Variants in TTN observed in about 807,000 individuals in gnomAD.
The protein encoded by TTN is connectin.
TTN carries 1,525 observed loss-of-function variants against 3,223.0 expected under a neutral mutation model. The ratio of observed to expected loss-of-function variants is 0.47; its 90% CI spans 0.45 to 0.49. TTN has a LOEUF of 0.49. Among genes scored for constraint, TTN ranks in the 20% least tolerant of loss-of-function variants. TTN has a pLI of 0.00. For synonymous variants in TTN, 14,094 were observed against 15,161.0 expected, an observed-to-expected ratio of 0.93 and a Z score of 5.17; for missense variants, 40,786 against 43,424.0, an observed-to-expected ratio of 0.94 and a Z score of 5.40.
intron 311 of TTN, 157 bp from the exon 312 acceptor site, chr2:178,584,063 T>C: frequency 9.4e-7 from 1 of 1,060,850 alleles, no homozygotes; most frequent in Non-Finnish European, 1.3e-6. Context: ...TTTTGAGTCC[T>C]TGCTGTATGC....
rs397517575 is a variant in TTN, at chr2:178,630,918, G to C, written c.44040C>G (p.Pro14680=). Residue 14680 remains proline (P), a synonymous_variant, in exon 238 of 363, where the codon CCC becomes CCG. Transcript: ENST00000589042. ...TCTCCATCACCTCCACACTGTGCAGGGGTCGCACCAGTTTAATTTCCCGAT... is the reference window on the plus strand; with the variant it reads ...TCTCCATCACCTCCACACTGTGCAGCGGTCGCACCAGTTTAATTTCCCGAT... ...IEDREIKLVR[P]LHSVEVMETE... is the part of the protein sequence containing the mutation. 6.2e-7 allele frequency: 1 copy of C among 1,611,808 alleles called. No individual in the cohort carries two copies. Among genetic ancestry groups the C allele is most frequent in the African/African-American group, 1.3e-5 (1 of 74,762 alleles).
rs753105114 is a variant in TTN at position 178,572,398 on chromosome 2, C to G, written c.73734G>C (p.Trp24578Cys). The G allele has an allele frequency of 2.5e-6, 4 of 1,612,930 alleles. No homozygotes were observed. The highest frequency in any genetic ancestry group is 3.4e-6 in the Non-Finnish European group (4 of 1,179,248). Residue 24578 changes from tryptophan (W) to cysteine (C), a missense_variant, in exon 326 of 363, where the codon TGG becomes TGC. By Grantham distance (215) the Trp-to-Cys change is radical (BLOSUM62 -2). Transcript: ENST00000589042. ...AGCCTTCTTGAAGCTGGTCTACCTTCCAGGAAGTCTTGTGGCAGTTTGTTG... is the reference window on the plus strand; with the variant it reads ...AGCCTTCTTGAAGCTGGTCTACCTTGCAGGAAGTCTTGTGGCAGTTTGTTG... ...TVATNCHKTS[W>C]KVDQLQEGCS...
intron 43 of TTN, chr2:178,760,824 AC>A (rs1405479232): frequency 2.1e-5 from 3 of 145,548 alleles, no homozygotes; most frequent in Non-Finnish European, 3.0e-5. Context: ...ATGAAACACC[AC>A]CCCTATTTAG....
At chr2:178,556,457 A>AAC in intron 330 of TTN, 1 of 194,320 alleles carries the variant, frequency 5.1e-6, no homozygotes, top group South Asian at 8.5e-5. Flanking sequence ...CAAACAAACA[A>AAC]AAAAAAAAAA....
In TTN at chr2:178,702,205, T is replaced by C. The variant is rs776112024; in HGVS notation, c.30474A>G (p.Glu10158=). Residue 10158 remains glutamate, a synonymous_variant, in exon 108 of 363, where the codon GAA becomes GAG. Transcript: ENST00000589042. ...GGTACAGCTCTGCCGTGCTTCTTGC[T>C]TCACCTCTTGGCTCCAGCCGAGCGA... ...SVIARLEPRG[E]ARSTAELYLT... The C allele has an allele frequency of 6.2e-7, 1 of 1,614,020 alleles. No individual in the cohort carries two copies.
At chr2:178,747,765 T>C in intron 47 of TTN, 2 of 1,611,836 alleles carry the variant, frequency 1.2e-6, no homozygotes, top group Non-Finnish European at 1.7e-6. Flanking sequence ...CTAGTTTCTA[T>C]CATTTCTCCT....
rs72648953 is a variant in TTN at position 178,728,776 on chromosome 2, G to T, written c.19150C>A (p.Pro6384Thr). Residue 6384 changes from proline (P) to threonine (T), a missense_variant and splice_region_variant, in exon 66 of 363, where the codon CCA becomes ACA. By Grantham distance (38) the Pro-to-Thr change is conservative. Transcript: ENST00000589042. ...TTAGCTTTCTCTACGATTTGAGCTG[G>T]TTCTGTAGTAAAAATGAAAATGTGG... ...RCYAFLLVQEPAQIVEKAKSV... is the reference protein window; with the variant it reads ...RCYAFLLVQETAQIVEKAKSV... 2.9e-3 allele frequency: 4,628 copies of T among 1,594,088 alleles called. 13 individuals carry two copies. The highest frequency in any genetic ancestry group is 4.0e-3 in the East Asian group (179 of 44,404).
rs2050170948 is a variant in TTN at position 178,591,424 on chromosome 2, T to C, written c.60301A>G (p.Ile20101Val). ...GTAGGAACAGGCACACCTCTTATAATAGCAGGGAATCTGACTGTGGTTCCA... is the reference window on the plus strand; with the variant it reads ...GTAGGAACAGGCACACCTCTTATAACAGCAGGGAATCTGACTGTGGTTCCA... Reference protein sequence around the residue: ...KAGTTVRFPAIIRGVPVPTAK... With the variant: ...KAGTTVRFPAVIRGVPVPTAK... The change falls in exon 304 of 363, where the codon ATT (isoleucine) becomes GTT (valine). Residue 20101 changes from isoleucine (I) to valine (V), a missense_variant. Physicochemically the swap from Ile to Val is conservative, Grantham distance 29 (BLOSUM62 3). Transcript: ENST00000589042. 6.2e-7 allele frequency: 1 copy of C among 1,607,742 alleles called. No homozygotes were observed. The highest frequency in any genetic ancestry group is 8.5e-7 in the Non-Finnish European group (1 of 1,177,140).
In TTN at chr2:178,572,767, C is replaced by T. The variant is rs756523427; in HGVS notation, c.73365G>A (p.Arg24455=). ...TLRLFVPIKG[R]PAPEVKWARD... is the part of the protein sequence containing the mutation. ...GGGCCCACTTCACCTCAGGTGCAGG[C>T]CTTCCTTTGATGGGAACAAAAAGTC... Residue 24455 remains arginine, a synonymous_variant, in exon 326 of 363, where the codon AGG becomes AGA. Coordinates refer to ENST00000589042, the MANE Select transcript of TTN (RefSeq NM_001267550.2). The T allele has an allele frequency of 6.2e-7, 1 of 1,613,480 alleles. No homozygotes were observed. Among genetic ancestry groups the T allele is most frequent in the Non-Finnish European group, 8.5e-7 (1 of 1,179,588 alleles).
In TTN at chr2:178,790,775, T is replaced by TC. The variant is rs775178403; in HGVS notation, c.1732dup (p.Glu578GlyfsTer22). 1 of 1,614,174 alleles carries TC rather than the reference T, an allele frequency of 6.2e-7. No homozygotes were observed. The highest frequency in any genetic ancestry group is 2.2e-5 in the East Asian group (1 of 44,876). ...TTCTTCTTGAGCTCCCGGGACTGTT[T>TC]CTAGTTTTGTGGACTTTGCAGTGGC... is the stretch of plus-strand genomic sequence containing the variant. On this transcript the variant is annotated frameshift_variant, in exon 11 of 363. Coordinates refer to ENST00000589042, the MANE Select transcript of TTN (RefSeq NM_001267550.2). LOFTEE classifies it high-confidence loss of function.
In TTN at chr2:178,589,053, T is replaced by C. The variant is rs770046598; in HGVS notation, c.62672A>G (p.Asp20891Gly). 1.9e-6 allele frequency: 3 copies of C among 1,609,394 alleles called. No homozygotes were observed. In the South Asian group the frequency reaches 3.3e-5, roughly 18 times the overall value. ...CTVCWDPPED[D>G]GGCEIQNYIL... ...ATAATTTTGGATTTCACAGCCACCA[T>C]CATCTTCTGGTGGATCCCAGCAAAC... Residue 20891 changes from aspartate (D) to glycine (G), a missense_variant, in exon 304 of 363, where the codon GAT becomes GGT. Asp to Gly is a moderately conservative substitution (Grantham distance 94). Coordinates refer to ENST00000589042, the MANE Select transcript of TTN (RefSeq NM_001267550.2).
Position 178,617,805 on chromosome 2 carries a change from G to C in TTN, c.47546C>G (p.Pro15849Arg), listed in dbSNP as rs772636177. Residue 15849 changes from proline (P) to arginine (R), a missense_variant, in exon 253 of 363, where the codon CCC (proline) becomes CGC (arginine). Physicochemically the swap from Pro to Arg is moderately radical, Grantham distance 103 (BLOSUM62 -2). Coordinates refer to ENST00000589042, the MANE Select transcript of TTN (RefSeq NM_001267550.2). ...IGVGKPSAATPFVKVADPIER... is the reference protein window; with the variant it reads ...IGVGKPSAATRFVKVADPIER... The stretch of plus-strand genomic sequence containing the variant: ...AATTGGATCAGCAACTTTGACGAAG[G>C]GTGTGGCTGCACTTGGTTTTCCAAC... 4 of 1,612,258 alleles carry C rather than the reference G, an allele frequency of 2.5e-6. No homozygotes were observed. Among genetic ancestry groups the C allele is most frequent in the Middle Eastern group, 1.7e-4 (1 of 6,048 alleles).
In TTN at chr2:178,565,569, C is replaced by G. The variant is rs939692096; in HGVS notation, c.80563G>C (p.Ala26855Pro). 1.9e-6 allele frequency: 3 copies of G among 1,613,602 alleles called. No individual in the cohort carries two copies. The highest frequency in any genetic ancestry group is 2.7e-5 in the African/African-American group (2 of 75,010). ...SGQEYQFRVKAYNEKGKSDPR... is the reference protein window; with the variant it reads ...SGQEYQFRVKPYNEKGKSDPR... The stretch of plus-strand genomic sequence containing the variant: ...TCGCTTTTTCCTTTCTCATTATAAG[C>G]CTTGACACGGAACTGATATTCTTGT... Residue 26855 changes from alanine (A) to proline (P), a missense_variant, in exon 326 of 363, where the codon GCT (alanine) becomes CCT (proline). Ala to Pro is a conservative substitution (Grantham distance 27, BLOSUM62 -1). Transcript: ENST00000589042.
chr2:178,745,522 T>A, intron 47 of TTN: 2 of 1,597,284 alleles, frequency 1.3e-6, no homozygotes, highest in Admixed American at 1.7e-5. Context: ...TCCACATAAT[T>A]TGGAAAATAT....
chr2:178,627,648 A>G (rs1289173200), intron 240 of TTN, among the ~76,000 whole-genome samples: 4 of 151,982 alleles, frequency 2.6e-5, no homozygotes, highest in South Asian at 4.1e-4. Context: ...CCTAGAAAAA[A>G]TTTTAGTTAC....
At position 178,764,746 on chromosome 2, in the gene TTN, G is replaced by A. The variant is rs374521620; in HGVS notation, c.9769C>T (p.Arg3257Cys). ...CTTCCGGATATCACGGCACAGAAGC[G>A]GGCAGGCTTGCCAGACTGCACAGTG... is the stretch of plus-strand genomic sequence containing the variant. ...PVTVQSGKPA[R>C]FCAVISGRPQ... The change falls in exon 42 of 363, where the codon CGC becomes TGC. Residue 3257 changes from arginine to cysteine, a missense_variant. Arg to Cys is a radical substitution (Grantham distance 180). Coordinates refer to ENST00000589042, the MANE Select transcript of TTN (RefSeq NM_001267550.2). 5.6e-6 allele frequency: 9 copies of A among 1,613,952 alleles called. No homozygotes were observed. In the Admixed American group the frequency reaches 8.3e-5, roughly 15 times the overall value.
chr2:178,777,786 G>C lies in TTN; in HGVS notation c.4398C>G (p.Phe1466Leu). 1 of 1,614,008 alleles carries C rather than the reference G, an allele frequency of 6.2e-7. No homozygotes were observed. The highest frequency in any genetic ancestry group is 8.5e-7 in the Non-Finnish European group (1 of 1,179,956). The change falls in exon 25 of 363, where the codon TTC becomes TTG. Residue 1466 changes from phenylalanine to leucine, a missense_variant. By Grantham distance (22) the Phe-to-Leu change is conservative. Transcript: ENST00000589042. ...KPVFVLKPVSFKCLEGQTARF... is the reference protein window; with the variant it reads ...KPVFVLKPVSLKCLEGQTARF... ...TGGCAGTTTGCCCTTCTAAACATTTGAAAGAAACAGGTTTTAACACAAAGA... is the reference window on the plus strand; with the variant it reads ...TGGCAGTTTGCCCTTCTAAACATTTCAAAGAAACAGGTTTTAACACAAAGA...
At position 178,562,437 on chromosome 2, in the gene TTN, C is replaced by G. The variant is rs775678192; in HGVS notation, c.83695G>C (p.Val27899Leu). 2.5e-6 allele frequency: 4 copies of G among 1,613,250 alleles called. No homozygotes were observed. In the African/African-American group the frequency reaches 5.3e-5, roughly 22 times the overall value. ...CTCCCTTTAGTCTGCATTTCAACCA[C>G]ATAACCAGTAATTTTGCTGCCACCA... ...SDGGSKITGY[V>L]VEMQTKGSEK... is the part of the protein sequence containing the mutation. Residue 27899 changes from valine (V) to leucine (L), a missense_variant, in exon 326 of 363, where the codon GTG becomes CTG. Val to Leu is a conservative substitution (Grantham distance 32). Coordinates refer to ENST00000589042, the MANE Select transcript of TTN (RefSeq NM_001267550.2).
Position 178,664,445 on chromosome 2 carries a change from C to G in TTN, c.36280+15G>C. The G allele has an allele frequency of 2.5e-6, 4 of 1,591,988 alleles. No homozygotes were observed. Among genetic ancestry groups the G allele is most frequent in the Non-Finnish European group, 3.4e-6 (4 of 1,169,384 alleles). ...CACCCACTATCCCACCATAAAAAGA[C>G]AGTTAAGAATGTACCTTTGACAGGT... On this transcript the variant is annotated intron_variant, in intron 168 of 362. Transcript: ENST00000589042.
Sources: allele counts gnomAD v4.1 joint callset (sites outside exome capture counted in the v4.1 genomes callset), GRCh38; gene constraint gnomAD v4.1.1; transcripts MANE v1.5; gene names NCBI Gene and HGNC (gene_info 2026-07-23, HGNC 2026-07-21).